SNTG1: variants seen among roughly 807,000 people sequenced by gnomAD.
SNTG1 encodes syntrophin gamma 1.
Under a neutral mutation model 74.7 loss-of-function variants are expected in SNTG1, and 39 were observed. The ratio of observed to expected loss-of-function variants is 0.52; its 90% CI spans 0.40 to 0.68. The LOEUF is 0.68. SNTG1 is among the 30% of genes least tolerant of loss of function. SNTG1 has a pLI of 0.00. For synonymous variants in SNTG1, 254 were observed against 217.1 expected (o/e 1.17, Z -1.49); for missense variants, 685 against 609.5 (o/e 1.12, Z -1.30).
chr8:49,993,533 T>C (rs564469651), intron 1 of SNTG1, among the ~76,000 whole-genome samples: 1 of 152,114 alleles, frequency 6.6e-6, no homozygotes, highest in East Asian at 1.9e-4. Context: ...CATTAGGTAT[T>C]TGTACTAATG....
intron 1 of SNTG1, among the ~76,000 whole-genome samples, chr8:50,140,562 T>C (rs1303792617): frequency 1.3e-5 from 2 of 152,048 alleles, no homozygotes; most frequent in Non-Finnish European, 2.9e-5. Context: ...ATGTTCATGT[T>C]AGTGTGTATG....
At chr8:50,314,906 A>T (rs1184135845) in intron 2 of SNTG1, among the ~76,000 whole-genome samples, 1 of 149,630 alleles carries the variant, frequency 6.7e-6, no homozygotes, top group African/African-American at 2.5e-5. Context: ...CTACTAGGTG[A>T]TCATTACCTT....
In SNTG1 at chr8:50,558,872, T is replaced by G. The variant is rs371011868; in HGVS notation, c.810+5693T>G. On this transcript the variant is annotated intron_variant, in intron 12 of 18. Coordinates refer to ENST00000642720, the MANE Select transcript of SNTG1 (RefSeq NM_018967.5). ...TTACTAAAAGAAATATTCAGGGTACTTTTAAATTTTTTGTATTTTTTATTT... is the reference window on the plus strand; with the variant it reads ...TTACTAAAAGAAATATTCAGGGTACGTTTAAATTTTTTGTATTTTTTATTT... Among the ~76,000 whole-genome samples, 122 of 152,316 alleles carry G rather than the reference T, an allele frequency of 8.0e-4. 2 individuals carry two copies. The East Asian group carries it at 0.019, about 23-fold the overall frequency.
chr8:50,209,961 A>G (rs1439164039), intron 2 of SNTG1, among the ~76,000 whole-genome samples: 1 of 152,212 alleles, frequency 6.6e-6, no homozygotes, highest in African/African-American at 2.4e-5. Context: ...ATCCATTGCA[A>G]AGAAGCTAAA....
At chr8:50,697,144 G>A (rs986435955) in intron 15 of SNTG1, among the ~76,000 whole-genome samples, 1 of 151,868 alleles carries the variant, frequency 6.6e-6, no homozygotes, top group East Asian at 1.9e-4. Context: ...AGTTTTTCTG[G>A]TAGAGCTCTT....
At chr8:50,430,116 C>T (rs1237548206) in intron 4 of SNTG1, among the ~76,000 whole-genome samples, 1 of 152,070 alleles carries the variant, frequency 6.6e-6, no homozygotes, top group Non-Finnish European at 1.5e-5. Flanking sequence ...AATGCTTGCA[C>T]ATGAATGTTA....
chr8:49,960,232 T>C (rs1320755842), intron 1 of SNTG1, among the ~76,000 whole-genome samples: 1 of 152,226 alleles, frequency 6.6e-6, no homozygotes, highest in African/African-American at 2.4e-5. Flanking sequence ...GTGATTTGTT[T>C]TCTTGACTCT....
chr8:49,992,603 G>T (rs537617371), intron 1 of SNTG1, among the ~76,000 whole-genome samples: 3 of 152,148 alleles, frequency 2.0e-5, no homozygotes, highest in African/African-American at 7.2e-5. Flanking sequence ...CCACACATCT[G>T]CATTGACAAA....
chr8:50,201,541 T>C (rs1284354678), intron 2 of SNTG1, among the ~76,000 whole-genome samples: 1 of 152,112 alleles, frequency 6.6e-6, no homozygotes, highest in Non-Finnish European at 1.5e-5. Flanking sequence ...ACTTTCTTCC[T>C]TTCTAGCGCT....
intron 2 of SNTG1, among the ~76,000 whole-genome samples, chr8:50,352,134 A>T (rs1189261896): frequency 6.6e-6 from 1 of 152,220 alleles, no homozygotes; most frequent in Non-Finnish European, 1.5e-5. Context: ...TTATTTCTAG[A>T]GATCTCATTT....
chr8:50,074,700 G>A (rs776478243), intron 1 of SNTG1, among the ~76,000 whole-genome samples: 17 of 152,166 alleles, frequency 1.1e-4, no homozygotes, highest in African/African-American at 1.7e-4. Context: ...AGAGGTGACC[G>A]TGCTGGCAGC....
At chr8:50,584,718 T>G (rs1486621986) in intron 12 of SNTG1, among the ~76,000 whole-genome samples, 4 of 152,064 alleles carry the variant, frequency 2.6e-5, no homozygotes. Flanking sequence ...GAAACTTGAT[T>G]GCTAAGATTT....
intron 1 of SNTG1, among the ~76,000 whole-genome samples, chr8:50,111,367 T>C (rs2080581120): frequency 6.6e-6 from 1 of 152,092 alleles, no homozygotes; most frequent in African/African-American, 2.4e-5. Flanking sequence ...ATGAATAGTG[T>C]CCTTATACGA....
intron 9 of SNTG1, among the ~76,000 whole-genome samples, chr8:50,503,435 T>C (rs2093980797): frequency 6.6e-6 from 1 of 152,224 alleles, no homozygotes; most frequent in South Asian, 2.1e-4. Flanking sequence ...ATAATTTGTA[T>C]GCAATAAAAT....
At chr8:50,526,070 G>A (rs983598360) in intron 9 of SNTG1, among the ~76,000 whole-genome samples, 2 of 152,116 alleles carry the variant, frequency 1.3e-5, no homozygotes, top group Non-Finnish European at 2.9e-5. Context: ...TATCCCAAAA[G>A]AGAGGTTTGT....
intron 8 of SNTG1, among the ~76,000 whole-genome samples, chr8:50,480,439 T>C (rs1037236755): frequency 3.3e-5 from 5 of 152,188 alleles, no homozygotes; most frequent in African/African-American, 1.2e-4. Flanking sequence ...TGGCTGGAGT[T>C]ATAATGCTTG....
At chr8:50,758,621 C>T (rs2095588021) in intron 18 of SNTG1, among the ~76,000 whole-genome samples, 1 of 152,010 alleles carries the variant, frequency 6.6e-6, no homozygotes, top group Non-Finnish European at 1.5e-5. Flanking sequence ...TGGTTTCCAG[C>T]TTCATCCATG....
At chr8:50,432,524 A>C (rs2093249657) in intron 4 of SNTG1, among the ~76,000 whole-genome samples, 2 of 152,086 alleles carry the variant, frequency 1.3e-5, no homozygotes, top group South Asian at 4.1e-4. Context: ...TCTAAACCTA[A>C]AAATTAGTTT....
At chr8:50,773,339 C>G (rs1471246597) in intron 18 of SNTG1, among the ~76,000 whole-genome samples, 1 of 152,054 alleles carries the variant, frequency 6.6e-6, no homozygotes, top group Non-Finnish European at 1.5e-5. Context: ...ATGTGCCGAG[C>G]TATGCACATG....
Sources: allele counts gnomAD v4.1 joint callset (sites outside exome capture counted in the v4.1 genomes callset), GRCh38; gene constraint gnomAD v4.1.1; transcripts MANE v1.5; gene names NCBI Gene and HGNC (gene_info 2026-07-23, HGNC 2026-07-21).